Variants in TOX2 observed in about 807,000 individuals in gnomAD.
TOX2 encodes the protein TOX high mobility group box family member 2.
In TOX2, 15 loss-of-function variants were observed where a neutral mutation model predicts 47.4. The ratio of observed to expected loss-of-function variants is 0.32; its 90% CI spans 0.21 to 0.49. The LOEUF is 0.49. Ranked by LOEUF, TOX2 falls within the 20% of genes least tolerant of loss-of-function variation. The probability of loss-of-function intolerance (pLI) is 0.99; values close to 1 mark genes in which losing one functional copy is unlikely to be tolerated. For synonymous variants in TOX2, 290 were observed against 296.6 expected, an observed-to-expected ratio of 0.98 and a Z score of 0.23; for missense variants, 622 against 673.1, an observed-to-expected ratio of 0.92 and a Z score of 0.84.
At chr20:44,011,663 C>T (rs891383880) in intron 3 of TOX2, among the ~76,000 whole-genome samples, 2 of 152,234 alleles carry the variant, frequency 1.3e-5, no homozygotes, top group Admixed American at 6.5e-5. Flanking sequence ...CCACAGGTGG[C>T]ACAGAGGATG....
chr20:43,972,635 C>T lies in TOX2; in HGVS notation c.100-732C>T, dbSNP rs143860886. ...TCCCCATTTAACAGATGAGGAATCT[C>T]AGAAGTTGAGGCACCAACTTGAGAT... On this transcript the variant is annotated intron_variant, in intron 1 of 8. Coordinates refer to ENST00000341197, the MANE Select transcript of TOX2 (RefSeq NM_001098797.2). Among the ~76,000 whole-genome samples the T allele has an allele frequency of 4.3e-3, 648 of 152,336 alleles. 3 individuals are homozygous for T. The highest frequency in any genetic ancestry group is 6.5e-3 in the Non-Finnish European group (443 of 68,026).
intron 3 of TOX2, among the ~76,000 whole-genome samples, chr20:44,020,207 G>A (rs1311057162): frequency 6.6e-6 from 1 of 152,208 alleles, no homozygotes; most frequent in Non-Finnish European, 1.5e-5. Flanking sequence ...ATTAGGCCAC[G>A]GAGTTGCTGG....
intron 1 of TOX2, among the ~76,000 whole-genome samples, chr20:43,962,413 G>A (rs914716985): frequency 1.3e-5 from 2 of 152,176 alleles, no homozygotes; most frequent in African/African-American, 4.8e-5. Flanking sequence ...GGGGCTGAGG[G>A]GCTGGTGCTG....
intron 1 of TOX2, among the ~76,000 whole-genome samples, chr20:43,965,394 G>A (rs1440151284): frequency 6.6e-6 from 1 of 152,202 alleles, no homozygotes; most frequent in Non-Finnish European, 1.5e-5. Context: ...CTCCATAGCT[G>A]TCATCTTCTC....
At chr20:44,003,435 C>T (rs1230294533) in intron 2 of TOX2, among the ~76,000 whole-genome samples, 2 of 152,120 alleles carry the variant, frequency 1.3e-5, no homozygotes, top group Non-Finnish European at 2.9e-5. Flanking sequence ...GCGATCCTCC[C>T]GTCTTGGCCT....
At chr20:43,967,624 C>A (rs2069881502) in intron 1 of TOX2, among the ~76,000 whole-genome samples, 1 of 152,096 alleles carries the variant, frequency 6.6e-6, no homozygotes, top group African/African-American at 2.4e-5. Flanking sequence ...CATTCATCCA[C>A]TCCTCCCTCT....
chr20:44,031,217 CTGTT>C (rs1390507661), intron 3 of TOX2, among the ~76,000 whole-genome samples: 1 of 152,182 alleles, frequency 6.6e-6, no homozygotes, highest in Non-Finnish European at 1.5e-5. Context: ...GCTTCCTCCA[CTGTT>C]TGCTGAGTCC....
chr20:44,033,936 C>T lies in TOX2; in HGVS notation c.412-17370C>T, dbSNP rs79756597. Among the ~76,000 whole-genome samples the T allele has an allele frequency of 5.2e-3, 797 of 152,350 alleles. 9 individuals carry two copies. The highest frequency in any genetic ancestry group is 0.019 in the African/African-American group (771 of 41,584). On this transcript the variant is annotated intron_variant, in intron 3 of 8. Coordinates refer to ENST00000341197, the MANE Select transcript of TOX2 (RefSeq NM_001098797.2). ...GAGGACTGAGACGTGTCGACTTTCA[C>T]TGGGGAGGCAGATATGCTGCAGATC...
chr20:44,067,444 T>C (rs1178965853), intron 8 of TOX2, among the ~76,000 whole-genome samples: 1 of 152,020 alleles, frequency 6.6e-6, no homozygotes, highest in East Asian at 1.9e-4. Flanking sequence ...GGGGTGAGTG[T>C]AGCCCACTGG....
chr20:43,967,800 CTG>C (rs976297772), intron 1 of TOX2, among the ~76,000 whole-genome samples: 4 of 146,316 alleles, frequency 2.7e-5, no homozygotes, highest in Admixed American at 6.8e-5. Flanking sequence ...TTTTATTTAT[CTG>C]TTAATATTTT....
intron 2 of TOX2, among the ~76,000 whole-genome samples, chr20:43,989,342 C>T (rs192776934): frequency 3.2e-4 from 49 of 152,250 alleles, no homozygotes; most frequent in East Asian, 2.5e-3. Flanking sequence ...AGGAGGCAGT[C>T]GGGAGCTGCC....
At chr20:44,002,260 T>C (rs1478382188) in intron 2 of TOX2, among the ~76,000 whole-genome samples, 1 of 152,186 alleles carries the variant, frequency 6.6e-6, no homozygotes, top group Non-Finnish European at 1.5e-5. Context: ...TATCATAATA[T>C]TCATGACCAC....
chr20:44,068,651 C>G lies in TOX2; in HGVS notation c.1486C>G (p.Leu496Val). 6.2e-7 allele frequency: 1 copy of G among 1,612,396 alleles called. No individual in the cohort carries two copies. Among genetic ancestry groups the G allele is most frequent in the Non-Finnish European group, 8.5e-7 (1 of 1,178,668 alleles). Residue 496 changes from leucine to valine, a missense_variant and splice_region_variant, in exon 9 of 9, where the codon CTG becomes GTG. Physicochemically the swap from Leu to Val is conservative, Grantham distance 32. Coordinates refer to ENST00000341197, the MANE Select transcript of TOX2 (RefSeq NM_001098797.2). Reference protein sequence around the residue: ...SGECGISTCSLLPRDKSLYLT With the variant: ...SGECGISTCSVLPRDKSLYLT Reference sequence around the variant, plus strand: ...GACAGCCCCTCCTCTCTCTCACAGCCTGCTCCCCAGGGACAAATCGCTCTA... The same window carrying G: ...GACAGCCCCTCCTCTCTCTCACAGCGTGCTCCCCAGGGACAAATCGCTCTA...
chr20:43,924,331 G>A (rs2069142125), intron 1 of TOX2, among the ~76,000 whole-genome samples: 1 of 152,010 alleles, frequency 6.6e-6, no homozygotes, highest in African/African-American at 2.4e-5. Context: ...TTGGGTCCAA[G>A]GGAAGACAAA....
At chr20:44,035,087 T>C (rs2071218359) in intron 3 of TOX2, among the ~76,000 whole-genome samples, 1 of 152,246 alleles carries the variant, frequency 6.6e-6, no homozygotes, top group South Asian at 2.1e-4. Context: ...ACCTACCTGG[T>C]AGATTTGGCC....
intron 3 of TOX2, among the ~76,000 whole-genome samples, chr20:44,009,308 T>C (rs1283432918): frequency 1.3e-5 from 2 of 152,230 alleles, no homozygotes; most frequent in East Asian, 1.9e-4. Context: ...TTGTTTGTTT[T>C]TGAAGCTAGG....
chr20:43,927,207 C>G (rs1203219379), intron 1 of TOX2, among the ~76,000 whole-genome samples: 1 of 152,122 alleles, frequency 6.6e-6, no homozygotes, highest in Non-Finnish European at 1.5e-5. Flanking sequence ...TCATTTTTAC[C>G]ATAAGCAGAG....
chr20:44,061,152 G>C (rs1482866279), intron 5 of TOX2, among the ~76,000 whole-genome samples: 1 of 152,010 alleles, frequency 6.6e-6, no homozygotes, highest in African/African-American at 2.4e-5. Context: ...AAACCTAGAG[G>C]AGATGGATAA....
intron 4 of TOX2, 128 bp from the exon 5 acceptor site, chr20:44,054,171 A>G: frequency 2.4e-6 from 2 of 843,192 alleles, no homozygotes; most frequent in Non-Finnish European, 3.8e-6. Context: ...TGCCCCCTCC[A>G]TCGCGCGAGT....
Sources: gnomAD v4.1 joint callset for allele counts (sites outside exome capture counted in the v4.1 genomes callset) on GRCh38, gnomAD v4.1.1 for gene constraint, MANE v1.5 for transcripts, NCBI Gene and HGNC (gene_info 2026-07-23, HGNC 2026-07-21) for gene names.